Variants in ADGRE1 observed in about 807,000 individuals in gnomAD.
ADGRE1 encodes the protein EGF-like module receptor 1.
A neutral mutation model predicts 102.7 loss-of-function variants in ADGRE1; 82 were observed. The observed-to-expected ratio is 0.80, with a 90% CI of 0.67 to 0.96. The LOEUF (loss-of-function observed/expected upper bound fraction) is 0.96. Among genes scored for constraint, ADGRE1 ranks in the 40% least tolerant of loss-of-function variants. ADGRE1 has a pLI of 0.00. For synonymous variants in ADGRE1, 398 were observed against 399.6 expected (o/e 1.00, Z 0.05); for missense variants, 1,032 against 1,085.3 (o/e 0.95, Z 0.69).
intron 10 of ADGRE1, among the ~76,000 whole-genome samples, chr19:6,910,299 C>T (rs1974122909): frequency 2.0e-5 from 3 of 151,768 alleles, no homozygotes; most frequent in South Asian, 2.1e-4. Context: ...ATTCCAATTC[C>T]CCCCTCCCGC....
intron 10 of ADGRE1, among the ~76,000 whole-genome samples, chr19:6,911,668 CATACAT>C (rs1292434464): frequency 2.0e-5 from 3 of 151,122 alleles, no homozygotes; most frequent in Non-Finnish European, 3.0e-5. Flanking sequence ...CACACATACA[CATACAT>C]ACAAATACAT....
At position 6,926,984 on chromosome 19, in the gene ADGRE1, G is replaced by A. The variant is rs1380538548; in HGVS notation, c.2222+383G>A. On this transcript the variant is annotated intron_variant, in intron 16 of 20. Transcript: ENST00000312053. ...CGAAGCAGAAGAATCACCTGAACCC[G>A]GGAGGCGGAGGCTGCAGTGAGATGA... 5.3e-5 allele frequency among the ~76,000 whole-genome samples: 8 copies of A among 152,030 alleles called. No individual in the cohort carries two copies. The East Asian group carries it at 7.7e-4, about 15-fold the overall frequency.
chr19:6,923,708 T>A (rs182452160), intron 14 of ADGRE1, among the ~76,000 whole-genome samples: 1 of 151,800 alleles, frequency 6.6e-6, no homozygotes, highest in African/African-American at 2.4e-5. Context: ...TATTTTTTGT[T>A]TGTTTGTTTA....
In ADGRE1 at chr19:6,908,672, T is replaced by A; in HGVS notation, c.1039-17T>A. 8 of 1,580,570 alleles carry A rather than the reference T, an allele frequency of 5.1e-6. No homozygotes were observed. Among genetic ancestry groups the A allele is most frequent in the Non-Finnish European group, 6.8e-6 (8 of 1,170,352 alleles). Reference sequence around the variant, plus strand: ...TCATGCTCACAAATGCTCTTTTTTTTTTTTTCTGGGACGCAGGTCTCCTTT... The same window carrying A: ...TCATGCTCACAAATGCTCTTTTTTTATTTTTCTGGGACGCAGGTCTCCTTT... On this transcript the variant is annotated splice_polypyrimidine_tract_variant and intron_variant, in intron 9 of 20. Transcript: ENST00000312053.
Position 6,901,938 on chromosome 19 carries a change from G to A in ADGRE1, c.578G>A (p.Gly193Glu). ...PEHATCNNTV[G>E]NYSCFCNPGF... ...CATGCAACTTGTAATAACACTGTTG[G>A]AAACTACTCTTGTTTCTGCAACCCA... Residue 193 changes from glycine (G) to glutamate (E), a missense_variant, in exon 6 of 21, where the codon GGA (glycine) becomes GAA (glutamate). Physicochemically the swap from Gly to Glu is moderately conservative, Grantham distance 98. Coordinates refer to ENST00000312053, the MANE Select transcript of ADGRE1 (RefSeq NM_001974.5). 6.2e-7 allele frequency: 1 copy of A among 1,614,172 alleles called. No homozygotes were observed. Among genetic ancestry groups the A allele is most frequent in the Non-Finnish European group, 8.5e-7 (1 of 1,180,026 alleles).
At chr19:6,934,886 C>A in intron 17 of ADGRE1, 101 bp from the exon 18 acceptor site, 1 of 669,676 alleles carries the variant, frequency 1.5e-6, no homozygotes, top group Non-Finnish European at 2.3e-6. Flanking sequence ...GGATTACAGA[C>A]GTGAGCCACC....
chr19:6,901,525 G>A (rs1254325236), intron 5 of ADGRE1, among the ~76,000 whole-genome samples: 1 of 152,186 alleles, frequency 6.6e-6, no homozygotes, highest in Non-Finnish European at 1.5e-5. Context: ...CTTAATGCAA[G>A]GTATGGTAAA....
At chr19:6,890,657 G>T (rs562991665) in intron 2 of ADGRE1, 114 bp downstream of exon 2, 4 of 1,071,532 alleles carry the variant, frequency 3.7e-6, no homozygotes, top group Non-Finnish European at 5.5e-6. Context: ...GCTAGTTAGC[G>T]GCAGAGCAAG....
chr19:6,936,758 G>A (rs537213075), intron 18 of ADGRE1, among the ~76,000 whole-genome samples: 1 of 151,942 alleles, frequency 6.6e-6, no homozygotes, highest in South Asian at 2.1e-4. Flanking sequence ...GGGTAGCTGG[G>A]ATTACAGGCA....
rs374475182 is a variant in ADGRE1 at position 6,903,840 on chromosome 19, T to A, written c.692T>A (p.Ile231Asn). The A allele has an allele frequency of 3.7e-6, 6 of 1,614,126 alleles. No individual in the cohort carries two copies. In the South Asian group the frequency reaches 5.5e-5, roughly 15 times the overall value. Residue 231 changes from isoleucine to asparagine, a missense_variant, in exon 7 of 21, where the codon ATC becomes AAC. Physicochemically the swap from Ile to Asn is moderately radical, Grantham distance 149. Transcript: ENST00000312053. ...DIDECTEMCPINSTCTNTPGS... is the reference protein window; with the variant it reads ...DIDECTEMCPNNSTCTNTPGS... Reference sequence around the variant, plus strand: ...GATGAATGCACTGAAATGTGCCCCATCAATTCAACATGCACCAACACTCCT... The same window carrying A: ...GATGAATGCACTGAAATGTGCCCCAACAATTCAACATGCACCAACACTCCT...
At chr19:6,916,777 ATAT>A (rs993090928) in intron 12 of ADGRE1, among the ~76,000 whole-genome samples, 72 of 151,356 alleles carry the variant, frequency 4.8e-4, no homozygotes, top group Non-Finnish European at 1.8e-4. Flanking sequence ...AAAATATGTA[ATAT>A]TTAAATTTTT....
chr19:6,914,132 G>T (rs1423516417), intron 11 of ADGRE1, among the ~76,000 whole-genome samples: 1 of 152,222 alleles, frequency 6.6e-6, no homozygotes, highest in Non-Finnish European at 1.5e-5. Context: ...CTTCCTGTTT[G>T]CCCTGCTGGG....
chr19:6,937,622 T>A lies in ADGRE1; in HGVS notation c.2629T>A (p.Ser877Thr). The A allele has an allele frequency of 6.2e-7, 1 of 1,614,082 alleles. No individual in the cohort carries two copies. Among genetic ancestry groups the A allele is most frequent in the Non-Finnish European group, 8.5e-7 (1 of 1,180,004 alleles). ...GTCCCAGACCTCAAGGATCTTGCTG[T>A]CCTCCATGCCATCCGCTTCCAAGAC... ...SQSQTSRILL[S>T]SMPSASKTG The change falls in exon 20 of 21, where the codon TCC becomes ACC. Residue 877 changes from serine (S) to threonine (T), a missense_variant. Transcript: ENST00000312053.
chr19:6,913,696 C>T lies in ADGRE1; in HGVS notation c.1166C>T (p.Thr389Met), dbSNP rs466876. 324,395 of 1,611,656 alleles carry T rather than the reference C, an allele frequency of 0.2. 34,186 individuals carry two copies. Among genetic ancestry groups the T allele is most frequent in the Non-Finnish European group, 0.22 (257,430 of 1,178,504 alleles). The stretch of plus-strand genomic sequence containing the variant: ...GTCCCTGTGCTTAAACAAATATCCA[C>T]GTGGACTAAATTCACCAAGGAAGAG... ...SFVPVLKQIS[T>M]WTKFTKEETS... The change falls in exon 11 of 21, where the codon ACG becomes ATG. Residue 389 changes from threonine (T) to methionine (M), a missense_variant. Coordinates refer to ENST00000312053, the MANE Select transcript of ADGRE1 (RefSeq NM_001974.5).
chr19:6,921,187 C>T lies in ADGRE1; in HGVS notation c.1621-526C>T, dbSNP rs1035574962. On this transcript the variant is annotated intron_variant, in intron 13 of 20. Coordinates refer to ENST00000312053, the MANE Select transcript of ADGRE1 (RefSeq NM_001974.5). ...TGTAATCCCAGAACTTTGGGAGGCCCGAGGCAGGTGAATCACTTGACATCA... is the reference window on the plus strand; with the variant it reads ...TGTAATCCCAGAACTTTGGGAGGCCTGAGGCAGGTGAATCACTTGACATCA... Among the ~76,000 whole-genome samples the T allele has an allele frequency of 5.3e-5, 8 of 152,018 alleles. No individual in the cohort carries two copies. In the East Asian group the frequency reaches 1.5e-3, roughly 29 times the overall value.
rs1973776841 is a variant in ADGRE1, at chr19:6,901,904, TG to T, written c.545del (p.Cys182SerfsTer29). On this transcript the variant is annotated frameshift_variant, in exon 6 of 21. Coordinates refer to ENST00000312053, the MANE Select transcript of ADGRE1 (RefSeq NM_001974.5). LOFTEE classifies it high-confidence loss of function. ...GGATGAATGTGCAGATCCAAGAGCT[TG>T]CCCAGAGCATGCAACTTGTAATAAC... ...DVDECADPRA[C>X]PEHATCNNTV... 6.2e-7 allele frequency: 1 copy of T among 1,614,074 alleles called. No homozygotes were observed. Among genetic ancestry groups the T allele is most frequent in the Non-Finnish European group, 8.5e-7 (1 of 1,180,010 alleles).
At chr19:6,920,541 G>C (rs1241560047) in intron 13 of ADGRE1, among the ~76,000 whole-genome samples, 1 of 12,162 alleles carries the variant, frequency 8.2e-5, no homozygotes, top group African/African-American at 1.7e-4. Context: ...TTTTTTTTTT[G>C]AGATGGAGTT....
chr19:6,914,100 A>G (rs540088724), intron 11 of ADGRE1, among the ~76,000 whole-genome samples: 2 of 152,386 alleles, frequency 1.3e-5, no homozygotes, highest in African/African-American at 4.8e-5. Context: ...AAGGTATGAC[A>G]GTCATAGGCT....
intron 10 of ADGRE1, among the ~76,000 whole-genome samples, chr19:6,911,287 T>C (rs1381727584): frequency 6.6e-6 from 1 of 152,084 alleles, no homozygotes; most frequent in Non-Finnish European, 1.5e-5. Context: ...GAAACTTGTA[T>C]TGCTGCTCAA....
Sources: allele counts gnomAD v4.1 joint callset (sites outside exome capture counted in the v4.1 genomes callset), GRCh38; gene constraint gnomAD v4.1.1; transcripts MANE v1.5; gene names NCBI Gene and HGNC (gene_info 2026-07-23, HGNC 2026-07-21).